DISP1: variants seen among roughly 807,000 people sequenced by gnomAD.
The protein encoded by DISP1 is dispatched RND transporter family member 1.
In DISP1, 30 loss-of-function variants were observed where a neutral mutation model predicts 37.3. The ratio of observed to expected loss-of-function variants is 0.80; its 90% CI spans 0.60 to 1.09. The LOEUF is 1.09. Ranked by LOEUF, DISP1 falls within the 50% of genes least tolerant of loss-of-function variation. DISP1 has a pLI of 0.00. For synonymous variants in DISP1, 634 were observed against 690.2 expected (o/e 0.92, Z 1.28); for missense variants, 1,598 against 1,879.5 (o/e 0.85, Z 2.77).
intron 1 of DISP1, among the ~76,000 whole-genome samples, chr1:222,856,359 C>T (rs17163526): frequency 0.18 from 26,785 of 152,156 alleles, 2,689 homozygotes; most frequent in Middle Eastern, 0.3. Context: ...TTTCCTTTTC[C>T]GAACTTGAAG....
At chr1:222,936,784 T>C (rs59740788) in intron 2 of DISP1, among the ~76,000 whole-genome samples, 1 of 78,914 alleles carries the variant, frequency 1.3e-5, no homozygotes, top group Non-Finnish European at 2.2e-5. Flanking sequence ...ATATCATATA[T>C]AATATATATA....
intron 1 of DISP1, among the ~76,000 whole-genome samples, chr1:222,900,621 G>C (rs1174992402): frequency 6.6e-6 from 1 of 152,196 alleles, no homozygotes; most frequent in East Asian, 1.9e-4. Flanking sequence ...AAACTTAACT[G>C]TACTTATGCT....
intron 8 of DISP1, among the ~76,000 whole-genome samples, chr1:223,001,384 G>A (rs746027058): frequency 6.9e-4 from 105 of 152,134 alleles, no homozygotes; most frequent in Non-Finnish European, 1.1e-3. Context: ...TTAAAAATCA[G>A]ATATCAATCA....
intron 1 of DISP1, among the ~76,000 whole-genome samples, chr1:222,818,841 G>A (rs895443862): frequency 6.6e-6 from 1 of 152,210 alleles, no homozygotes; most frequent in Admixed American, 6.5e-5. Context: ...ATACCTGGGT[G>A]CTATAACCTA....
chr1:222,873,052 A>C (rs374619715), intron 1 of DISP1, among the ~76,000 whole-genome samples: 2 of 152,242 alleles, frequency 1.3e-5, no homozygotes, highest in South Asian at 2.1e-4. Flanking sequence ...ATTCAGGAGC[A>C]GGTTGTTCAG....
chr1:222,938,733 TAAAAAAAAAAAAAAA>T (rs33948431), intron 2 of DISP1, among the ~76,000 whole-genome samples: 5 of 57,618 alleles, frequency 8.7e-5, no homozygotes, highest in East Asian at 4.9e-4. Context: ...ACCCTGTCTT[TAAAAAAAAAAAAAAA>T]AAAAAAAAAA....
At chr1:222,823,355 TA>T (rs1223019601) in intron 1 of DISP1, among the ~76,000 whole-genome samples, 1 of 152,158 alleles carries the variant, frequency 6.6e-6, no homozygotes, top group African/African-American at 2.4e-5. Context: ...CTGTGCAGCT[TA>T]AAAAAGAATG....
At chr1:222,991,954 C>T (rs1277096262) in intron 6 of DISP1, 59 bp from the exon 7 acceptor site, 1 of 1,338,068 alleles carries the variant, frequency 7.5e-7, no homozygotes, top group Non-Finnish European at 1.1e-6. Flanking sequence ...TTCCAGTATG[C>T]TTATCAGCTT....
At chr1:222,865,453 T>C (rs1252795743) in intron 1 of DISP1, among the ~76,000 whole-genome samples, 1 of 152,194 alleles carries the variant, frequency 6.6e-6, no homozygotes, top group Non-Finnish European at 1.5e-5. Context: ...GAGTGGGTCT[T>C]TTTAAATGAA....
chr1:222,933,620 T>C (rs1673536373), intron 2 of DISP1, among the ~76,000 whole-genome samples: 1 of 151,966 alleles, frequency 6.6e-6, no homozygotes. Flanking sequence ...TTCAACTTAT[T>C]ATAGTTTATG....
chr1:222,881,352 C>T (rs756871622), intron 1 of DISP1, among the ~76,000 whole-genome samples: 3 of 152,098 alleles, frequency 2.0e-5, no homozygotes, highest in Non-Finnish European at 2.9e-5. Context: ...TGCGCCACCA[C>T]GCCTGGCTAA....
intron 1 of DISP1, among the ~76,000 whole-genome samples, chr1:222,822,749 C>G (rs879637776): frequency 2.6e-5 from 4 of 152,356 alleles, no homozygotes; most frequent in Non-Finnish European, 5.9e-5. Flanking sequence ...ATTATTGCCT[C>G]TAAAATATCA....
chr1:222,826,164 A>G (rs1180846235), intron 1 of DISP1, among the ~76,000 whole-genome samples: 1 of 152,136 alleles, frequency 6.6e-6, no homozygotes, highest in Non-Finnish European at 1.5e-5. Context: ...TTGGCCTCCC[A>G]AAGTGTTGGG....
At chr1:222,919,673 T>C (rs551381313) in intron 1 of DISP1, among the ~76,000 whole-genome samples, 43 of 152,344 alleles carry the variant, frequency 2.8e-4, no homozygotes, top group South Asian at 1.0e-3. Context: ...AAGCTAGATA[T>C]AGCATGACAT....
chr1:222,879,553 G>A (rs1168581324), intron 1 of DISP1, among the ~76,000 whole-genome samples: 1 of 152,086 alleles, frequency 6.6e-6, no homozygotes, highest in African/African-American at 2.4e-5. Flanking sequence ...ATGTGATTGT[G>A]TACATTTCTG....
intron 1 of DISP1, among the ~76,000 whole-genome samples, chr1:222,924,254 T>G (rs1354966406): frequency 1.3e-5 from 2 of 152,236 alleles, no homozygotes; most frequent in Non-Finnish European, 2.9e-5. Flanking sequence ...GAATGCATGG[T>G]CTTTTCTTAA....
intron 3 of DISP1, among the ~76,000 whole-genome samples, chr1:222,966,624 G>A (rs916865285): frequency 6.6e-6 from 1 of 152,154 alleles, no homozygotes; most frequent in East Asian, 1.9e-4. Flanking sequence ...AATCTGTGGT[G>A]ATAGAAGCCT....
chr1:222,931,293 T>A (rs1012143904), intron 2 of DISP1, among the ~76,000 whole-genome samples: 41 of 151,938 alleles, frequency 2.7e-4, no homozygotes, highest in African/African-American at 8.5e-4. Context: ...GATGTTTTTT[T>A]TTTTTCCTTT....
intron 1 of DISP1, among the ~76,000 whole-genome samples, chr1:222,815,698 T>C (rs1448551219): frequency 6.6e-6 from 1 of 152,212 alleles, no homozygotes; most frequent in African/African-American, 2.4e-5. Context: ...AATTCTTGCT[T>C]CACCCAGATT....
Sources: allele counts gnomAD v4.1 joint callset (sites outside exome capture counted in the v4.1 genomes callset), GRCh38; gene constraint gnomAD v4.1.1; transcripts MANE v1.5; gene names NCBI Gene and HGNC (gene_info 2026-07-23, HGNC 2026-07-21).